IL23R: variants seen among roughly 807,000 people sequenced by gnomAD.
IL23R encodes the protein interleukin 23 receptor, also known as interleukin-23 receptor.
Under a neutral mutation model 56.9 loss-of-function variants are expected in IL23R, and 34 were observed. The ratio of observed to expected loss-of-function variants is 0.60; its 90% CI spans 0.45 to 0.80. The LOEUF is 0.80. Ranked by LOEUF, IL23R falls within the 30% of genes least tolerant of loss-of-function variation. IL23R has a pLI of 0.00. For missense variants in IL23R, 635 were observed against 730.0 expected (o/e 0.87, Z 1.50); for synonymous variants, 230 against 249.2 (o/e 0.92, Z 0.73).
chr1:67,207,048 C>T lies in IL23R; in HGVS notation c.791C>T (p.Thr264Ile). The stretch of plus-strand genomic sequence containing the variant: ...AGATACAAGGCTACAACAAACCAAA[C>T]TTGGAATGTAAGCTCAACTTTCATT... Reference protein sequence around the residue: ...EMRYKATTNQTWNVKEFDTNF... With the variant: ...EMRYKATTNQIWNVKEFDTNF... The change falls in exon 6 of 11, where the codon ACT becomes ATT. Residue 264 changes from threonine (T) to isoleucine (I), a missense_variant. Coordinates refer to ENST00000347310, the MANE Select transcript of IL23R (RefSeq NM_144701.3). 2 of 1,614,012 alleles carry T rather than the reference C, an allele frequency of 1.2e-6. No homozygotes were observed. The highest frequency in any genetic ancestry group is 1.7e-6 in the Non-Finnish European group (2 of 1,179,968).
chr1:67,159,976 G>A (rs2102542611), intron 1 of IL23R, among the ~76,000 whole-genome samples: 1 of 152,180 alleles, frequency 6.6e-6, no homozygotes, highest in South Asian at 2.1e-4. Context: ...TAACTTGGAT[G>A]ATGCTATTCA....
At chr1:67,165,915 A>G (rs1646869222), upstream of IL23R, among the ~76,000 whole-genome samples, 1 of 152,220 alleles carries the variant, frequency 6.6e-6, no homozygotes, top group African/African-American at 2.4e-5. Flanking sequence ...ATAGTTAACA[A>G]TACTGAATTA....
At chr1:67,255,659 G>A (rs1160034490) in intron 9 of IL23R, among the ~76,000 whole-genome samples, 178 bp from the exon 10 acceptor site, 7 of 151,856 alleles carry the variant, frequency 4.6e-5, no homozygotes, top group East Asian at 1.9e-4. Flanking sequence ...GGCTGGTCTC[G>A]AACTCCTGGA....
chr1:67,142,439 G>A (rs1169607323), intron 1 of IL23R, among the ~76,000 whole-genome samples: 1 of 152,100 alleles, frequency 6.6e-6, no homozygotes, highest in African/African-American at 2.4e-5. Flanking sequence ...TTCCAGTTTT[G>A]TGGCACTTTT....
Position 67,200,653 on chromosome 1 carries a change from AG to A in IL23R, c.492-82del. On this transcript the variant is annotated intron_variant, in intron 4 of 10. Coordinates refer to ENST00000347310, the MANE Select transcript of IL23R (RefSeq NM_144701.3). ...AACCCGCTTGGTCTCCCAAAATGCT[AG>A]GATTACAGGTGTGAGCCACCATGCC... 1.4e-5 allele frequency: 19 copies of A among 1,393,476 alleles called. No homozygotes were observed. The South Asian group carries it at 1.9e-4, about 14-fold the overall frequency. 86.3% of individuals were successfully genotyped at this position (1,393,476 alleles called of 1,614,324 possible).
At chr1:67,142,895 A>G (rs1646650881) in intron 1 of IL23R, among the ~76,000 whole-genome samples, 1 of 152,148 alleles carries the variant, frequency 6.6e-6, no homozygotes, top group Non-Finnish European at 1.5e-5. Context: ...TTACAGAATA[A>G]ACCACTTTAA....
intron 7 of IL23R, among the ~76,000 whole-genome samples, chr1:67,233,975 G>C (rs1280331599): frequency 2.1e-5 from 3 of 145,668 alleles, no homozygotes; most frequent in African/African-American, 7.6e-5. Context: ...GTGTGTGTGA[G>C]ATTCTGTGTT....
rs766251307 is a variant in IL23R at position 67,258,546 on chromosome 1, G to A, written c.1308G>A (p.Glu436=). ...TATATGTTGATCCCATGATTACAGAGATAAAAGAAATCTTCATCCCAGAAC... is the reference window on the plus strand; with the variant it reads ...TATATGTTGATCCCATGATTACAGAAATAAAAGAAATCTTCATCCCAGAAC... ...QVLYVDPMIT[E]IKEIFIPEHK... The change falls in exon 11 of 11, where the codon GAG becomes GAA. Residue 436 remains glutamate (E), a synonymous_variant. Transcript: ENST00000347310. The A allele has an allele frequency of 5.6e-6, 9 of 1,608,288 alleles. No homozygotes were observed. Among genetic ancestry groups the A allele is most frequent in the Middle Eastern group, 1.7e-4 (1 of 6,038 alleles).
In IL23R at chr1:67,259,312, ATAAGCATATGTTTC is replaced by A. The variant is rs1653117073; in HGVS notation, c.*185_*198del. The A allele has an allele frequency of 3.2e-6, 2 of 627,968 alleles. No individual in the cohort carries two copies. The highest frequency in any genetic ancestry group is 5.6e-6 in the Non-Finnish European group (2 of 357,016). The allele number at this position is 627,968 out of a possible 1,614,324, so 38.9% of individuals were successfully genotyped here. Reference sequence around the variant, plus strand: ...AGGTAGGGGATTGCTGGGCCATATGATAAGCATATGTTTCAGTTCTACCAATCTTGTTTCCAGAG... The same window carrying A: ...AGGTAGGGGATTGCTGGGCCATATGAAGTTCTACCAATCTTGTTTCCAGAG... On this transcript the variant is annotated 3_prime_UTR_variant, in exon 11 of 11. Coordinates refer to ENST00000347310, the MANE Select transcript of IL23R (RefSeq NM_144701.3).
chr1:67,178,970 C>T (rs1040372633), intron 3 of IL23R, among the ~76,000 whole-genome samples: 49 of 152,190 alleles, frequency 3.2e-4, no homozygotes, highest in African/African-American at 1.1e-3. Flanking sequence ...AGGAAGCCCA[C>T]TTGATCATGG....
chr1:67,240,416 T>G, intron 9 of IL23R, 135 bp downstream of exon 9: 1 of 685,976 alleles, frequency 1.5e-6, no homozygotes, highest in East Asian at 2.7e-5. Context: ...AAAAGAACAA[T>G]GTTTAATAAG....
intron 10 of IL23R, among the ~76,000 whole-genome samples, chr1:67,257,653 C>A (rs1653023960): frequency 6.6e-6 from 1 of 152,084 alleles, no homozygotes; most frequent in African/African-American, 2.4e-5. Flanking sequence ...CTTCACCCAC[C>A]CTCCTTATCA....
chr1:67,233,929 C>CTG (rs57455484), intron 7 of IL23R, among the ~76,000 whole-genome samples: 8,748 of 138,666 alleles, frequency 0.063, 311 homozygotes, highest in Non-Finnish European at 0.092. Context: ...GTCATAAAGG[C>CTG]TGTGTGTGTG....
intron 4 of IL23R, among the ~76,000 whole-genome samples, chr1:67,195,366 G>C (rs1648064204): frequency 6.6e-6 from 1 of 152,106 alleles, no homozygotes; most frequent in African/African-American, 2.4e-5. Context: ...AAAAATTGTT[G>C]TTTAATGAGT....
intron 9 of IL23R, among the ~76,000 whole-genome samples, chr1:67,245,927 A>G (rs981360535): frequency 6.6e-6 from 1 of 152,158 alleles, no homozygotes; most frequent in Non-Finnish European, 1.5e-5. Context: ...GTGGCTGTGA[A>G]TCCGTCTGGT....
At chr1:67,164,631 C>CAAAATAAAAT (rs10645092), upstream of IL23R, among the ~76,000 whole-genome samples, 21,428 of 106,334 alleles carry the variant, frequency 0.2, 1,757 homozygotes, top group African/African-American at 0.22. Flanking sequence ...AACTCTGTCA[C>CAAAATAAAAT]AAAATAAAAT....
intron 7 of IL23R, among the ~76,000 whole-genome samples, chr1:67,234,707 CT>C (rs5774860): frequency 1.2e-3 from 143 of 117,550 alleles, no homozygotes; most frequent in African/African-American, 4.3e-3. Context: ...TATTTTTACT[CT>C]TTTTTTTTTT....
chr1:67,240,662 G>A (rs1651787468), intron 9 of IL23R, among the ~76,000 whole-genome samples: 1 of 152,178 alleles, frequency 6.6e-6, no homozygotes, highest in Admixed American at 6.5e-5. Context: ...TACCTACAGT[G>A]CCTAGATTCT....
intron 4 of IL23R, among the ~76,000 whole-genome samples, chr1:67,199,488 A>G (rs966944891): frequency 3.9e-5 from 6 of 152,198 alleles, no homozygotes; most frequent in African/African-American, 1.4e-4. Flanking sequence ...ATTCCAAGCT[A>G]TGTCCAGTGC....
Sources: allele counts gnomAD v4.1 joint callset (sites outside exome capture counted in the v4.1 genomes callset), GRCh38; gene constraint gnomAD v4.1.1; transcripts MANE v1.5; gene names NCBI Gene and HGNC (gene_info 2026-07-23, HGNC 2026-07-21).